CDH17: variants seen among roughly 807,000 people sequenced by gnomAD.
CDH17 encodes cadherin 17, also known as cadherin-17.
A neutral mutation model predicts 86.3 loss-of-function variants in CDH17; 67 were observed. The observed-to-expected ratio is 0.78, with a 90% CI of 0.64 to 0.95. The LOEUF (loss-of-function observed/expected upper bound fraction) is 0.95. Among genes scored for constraint, CDH17 ranks in the 40% least tolerant of loss-of-function variants. The pLI is 0.00. For missense variants in CDH17, 993 were observed against 1,017.6 expected (o/e 0.98, Z 0.33); for synonymous variants, 367 against 366.4 (o/e 1.00, Z -0.02).
At chr8:94,183,885 T>G (rs1487223768) in intron 3 of CDH17, among the ~76,000 whole-genome samples, 1 of 151,896 alleles carries the variant, frequency 6.6e-6, no homozygotes, top group Non-Finnish European at 1.5e-5. Context: ...ATAACCTGAT[T>G]AAAAGTAGGC....
chr8:94,165,998 A>C (rs1297445734), intron 9 of CDH17, 22 bp from the exon 10 acceptor site: 1 of 1,457,580 alleles, frequency 6.9e-7, no homozygotes, highest in Non-Finnish European at 9.6e-7. Context: ...GAAAGAAGGA[A>C]AACCCACCAT....
chr8:94,150,201 G>A lies in CDH17; in HGVS notation c.1797-1327C>T, dbSNP rs533939958. Among the ~76,000 whole-genome samples the A allele has an allele frequency of 7.2e-5, 11 of 152,246 alleles. No individual in the cohort carries two copies. The East Asian group carries it at 2.1e-3, about 29-fold the overall frequency. ...CTTGGGATTTCATCCTGAAAGAGAT[G>A]GAATGCTTTGGAGGGTTTTGAAAGA... On this transcript the variant is annotated intron_variant, in intron 13 of 17. Coordinates refer to ENST00000027335, the MANE Select transcript of CDH17 (RefSeq NM_004063.4).
chr8:94,128,419 G>T, intron 17 of CDH17, 79 bp from the exon 18 acceptor site: 1 of 896,890 alleles, frequency 1.1e-6, no homozygotes, highest in Non-Finnish European at 1.7e-6. Context: ...GTAGTATTGT[G>T]GTAGGAAAAA....
chr8:94,155,787 G>C (rs1444452255), intron 12 of CDH17, among the ~76,000 whole-genome samples: 1 of 152,166 alleles, frequency 6.6e-6, no homozygotes, highest in Admixed American at 6.5e-5. Context: ...TCCACACTGG[G>C]GCGGGAAGAC....
At chr8:94,208,984 A>G (rs1342509769), upstream of CDH17, among the ~76,000 whole-genome samples, 11 of 152,206 alleles carry the variant, frequency 7.2e-5, no homozygotes, top group Non-Finnish European at 1.5e-4. Context: ...TGTCTGAGCA[A>G]TGACACAGTT....
At chr8:94,210,016 TA>T (rs1814095541), upstream of CDH17, among the ~76,000 whole-genome samples, 1 of 152,052 alleles carries the variant, frequency 6.6e-6, no homozygotes. Flanking sequence ...GTATATCAAT[TA>T]AAATTCTGTT....
upstream of CDH17, among the ~76,000 whole-genome samples, chr8:94,211,512 C>T (rs1814121249): frequency 6.6e-6 from 1 of 152,104 alleles, no homozygotes; most frequent in Admixed American, 6.5e-5. Flanking sequence ...GGGGTTTAAC[C>T]ATGTTGGCCA....
chr8:94,174,412 T>TC (rs1421325129), intron 5 of CDH17, 152 bp from the exon 6 acceptor site: 1 of 762,264 alleles, frequency 1.3e-6, no homozygotes, highest in East Asian at 2.7e-5. Context: ...TTTATCCCAC[T>TC]CCCCCCTTCC....
chr8:94,195,852 C>T (rs1300611871), intron 1 of CDH17, among the ~76,000 whole-genome samples: 1 of 152,060 alleles, frequency 6.6e-6, no homozygotes, highest in African/African-American at 2.4e-5. Context: ...GCTCCGCCTC[C>T]CAGGTTTACA....
Position 94,162,164 on chromosome 8 carries a change from T to C in CDH17, c.1283-2A>G. The stretch of plus-strand genomic sequence containing the variant: ...GCACAAAACAAAGGGTCTTGAAATC[T>C]GAAAACCAAAGTCATATGTCATAGA... On this transcript the variant is annotated splice_acceptor_variant, in intron 10 of 17. Coordinates refer to ENST00000027335, the MANE Select transcript of CDH17 (RefSeq NM_004063.4). LOFTEE classifies it high-confidence loss of function. 6.3e-7 allele frequency: 1 copy of C among 1,591,186 alleles called. No homozygotes were observed. The highest frequency in any genetic ancestry group is 8.6e-7 in the Non-Finnish European group (1 of 1,159,662).
intron 12 of CDH17, among the ~76,000 whole-genome samples, chr8:94,156,483 TGACACACGTTTG>T (rs1473037994): frequency 1.3e-5 from 2 of 152,210 alleles, no homozygotes; most frequent in Non-Finnish European, 2.9e-5. Flanking sequence ...TTCCTGCTCA[TGACACACGTTTG>T]GCCCCAAGAG....
chr8:94,148,646 G>T (rs1586241777), intron 14 of CDH17, 98 bp downstream of exon 14: 1 of 939,202 alleles, frequency 1.1e-6, no homozygotes, highest in South Asian at 2.2e-5. Flanking sequence ...CTGGTGTTTT[G>T]GCCCTGTCAG....
intron 9 of CDH17, among the ~76,000 whole-genome samples, chr8:94,170,165 G>A (rs1212972497): frequency 6.6e-6 from 1 of 152,148 alleles, no homozygotes; most frequent in African/African-American, 2.4e-5. Context: ...TAATGATAGT[G>A]ATAATGGTAG....
chr8:94,179,329 G>A (rs1029343043), intron 3 of CDH17, among the ~76,000 whole-genome samples: 19 of 152,212 alleles, frequency 1.2e-4, no homozygotes, highest in Non-Finnish European at 1.6e-4. Context: ...GGCATTTGTT[G>A]AAAACAACCA....
intron 12 of CDH17, among the ~76,000 whole-genome samples, chr8:94,153,599 A>G (rs2130606980): frequency 6.6e-6 from 1 of 152,324 alleles, no homozygotes; most frequent in African/African-American, 2.4e-5. Flanking sequence ...AATCAGCCTA[A>G]GTGTCGAACA....
At chr8:94,205,559 G>T (rs1421669945) in intron 1 of CDH17, among the ~76,000 whole-genome samples, 1 of 152,206 alleles carries the variant, frequency 6.6e-6, no homozygotes, top group Non-Finnish European at 1.5e-5. Flanking sequence ...TCATGCTTAA[G>T]TATGGCAGGT....
chr8:94,165,133 G>A (rs1813127737), intron 10 of CDH17, among the ~76,000 whole-genome samples: 1 of 152,176 alleles, frequency 6.6e-6, no homozygotes, highest in Non-Finnish European at 1.5e-5. Context: ...TCTGCAGAAT[G>A]TGCCTGGCAG....
chr8:94,161,387 C>T (rs964688281), intron 11 of CDH17, among the ~76,000 whole-genome samples: 51 of 152,290 alleles, frequency 3.3e-4, no homozygotes, highest in African/African-American at 1.2e-3. Context: ...CTCTGGGCTG[C>T]CTCATAACTG....
chr8:94,154,478 A>AT (rs1404716884), intron 12 of CDH17, among the ~76,000 whole-genome samples: 1 of 152,174 alleles, frequency 6.6e-6, no homozygotes, highest in Non-Finnish European at 1.5e-5. Context: ...CAAATCAAAG[A>AT]TTTTAAACTC....
Sources: allele counts gnomAD v4.1 joint callset (sites outside exome capture counted in the v4.1 genomes callset), GRCh38; gene constraint gnomAD v4.1.1; transcripts MANE v1.5; gene names NCBI Gene and HGNC (gene_info 2026-07-23, HGNC 2026-07-21).